The following TEAD1 variants were observed in gnomAD, a reference collection of about 807,000 sequenced individuals.
TEAD1 encodes transcriptional enhancer factor TEF-1.
Under a neutral mutation model 54.9 loss-of-function variants are expected in TEAD1, and 9 were observed. That is an observed-to-expected ratio of 0.16 (90% CI 0.10 to 0.29). The LOEUF is 0.29. TEAD1 is among the 10% of genes least tolerant of loss of function. The probability of loss-of-function intolerance (pLI) is 1.00; values close to 1 mark genes in which losing one functional copy is unlikely to be tolerated. For synonymous variants in TEAD1, 200 were observed against 187.8 expected (o/e 1.07, Z -0.53); for missense variants, 387 against 535.9 (o/e 0.72, Z 2.74).
rs1253732890 is a variant in TEAD1 at position 12,718,578 on chromosome 11, G to T, written c.-55+43017G>T. On this transcript the variant is annotated intron_variant, in intron 2 of 12. Coordinates refer to ENST00000527636, the MANE Select transcript of TEAD1 (RefSeq NM_021961.6). ...TTCCATAAAGACATTTCGATGTACCGTTGCTTTTTTTTTTGGGTGAAATTA... is the reference window on the plus strand; with the variant it reads ...TTCCATAAAGACATTTCGATGTACCTTTGCTTTTTTTTTTGGGTGAAATTA... 7.3e-5 allele frequency among the ~76,000 whole-genome samples: 11 copies of T among 151,404 alleles called. 1 individual carries two copies. Among genetic ancestry groups the T allele is most frequent in the Admixed American group, 7.2e-4 (11 of 15,222 alleles).
chr11:12,706,233 T>C (rs1053870125), intron 2 of TEAD1, among the ~76,000 whole-genome samples: 3 of 152,222 alleles, frequency 2.0e-5, no homozygotes, highest in Non-Finnish European at 4.4e-5. Flanking sequence ...TTGAACTGGT[T>C]GAAGAAACCC....
Position 12,879,582 on chromosome 11 carries a change from T to C in TEAD1, c.331-126T>C. The C allele has an allele frequency of 7.2e-6, 8 of 1,105,646 alleles. 1 individual carries two copies. In the South Asian group the frequency reaches 8.8e-5, roughly 12 times the overall value. The allele number at this position is 1,105,646 out of a possible 1,614,324, so 68.5% of individuals were successfully genotyped here. ...TCTGGCTGTGTTATTTATCCATGCA[T>C]GTTTGCTTTTTTTGGCCTATTTTGT... On this transcript the variant is annotated intron_variant, in intron 5 of 12. Coordinates refer to ENST00000527636, the MANE Select transcript of TEAD1 (RefSeq NM_021961.6).
chr11:12,740,781 A>G (rs111650117), intron 2 of TEAD1, among the ~76,000 whole-genome samples: 1 of 152,064 alleles, frequency 6.6e-6, no homozygotes, highest in African/African-American at 2.4e-5. Flanking sequence ...CATGGGGATC[A>G]TGGGAACTAC....
chr11:12,926,911 C>T (rs546695120), intron 11 of TEAD1, among the ~76,000 whole-genome samples: 1 of 152,116 alleles, frequency 6.6e-6, no homozygotes, highest in African/African-American at 2.4e-5. Flanking sequence ...AGCAAAGTTA[C>T]CTGTGTGTGA....
At chr11:12,792,913 G>A (rs187296344) in intron 3 of TEAD1, among the ~76,000 whole-genome samples, 29 of 152,156 alleles carry the variant, frequency 1.9e-4, no homozygotes, top group Admixed American at 4.6e-4. Flanking sequence ...AAAATTAGCC[G>A]GGAATGATGG....
At chr11:12,873,754 T>C (rs1947800656) in intron 5 of TEAD1, among the ~76,000 whole-genome samples, 1 of 152,196 alleles carries the variant, frequency 6.6e-6, no homozygotes, top group Non-Finnish European at 1.5e-5. Flanking sequence ...AAAACCATAA[T>C]ATAGTTCTGT....
At chr11:12,714,221 C>T (rs1348104463) in intron 2 of TEAD1, among the ~76,000 whole-genome samples, 1 of 152,080 alleles carries the variant, frequency 6.6e-6, no homozygotes. Context: ...TGCTCTTTGG[C>T]TAAGGGGCAG....
chr11:12,909,790 C>T (rs1948585291), intron 10 of TEAD1, among the ~76,000 whole-genome samples: 2 of 152,144 alleles, frequency 1.3e-5, no homozygotes, highest in Admixed American at 1.3e-4. Context: ...CTTTATAGTA[C>T]CATAGCAGTT....
At chr11:12,719,949 GTTTTTTTTTTTTTTTTTTTT>G (rs1200965763) in intron 2 of TEAD1, among the ~76,000 whole-genome samples, 27 of 39,990 alleles carry the variant, frequency 6.8e-4, no homozygotes, top group South Asian at 1.4e-3. Context: ...GAAATCTAAT[GTTTTTTTTTTTTTTTTTTTT>G]TTTTTTTTTT....
chr11:12,772,233 T>G (rs1012958265), intron 3 of TEAD1, among the ~76,000 whole-genome samples: 1 of 152,228 alleles, frequency 6.6e-6, no homozygotes, highest in Non-Finnish European at 1.5e-5. Context: ...TCAGAGAGTT[T>G]GACCATGCAT....
chr11:12,927,752 A>G (rs1231596826), intron 11 of TEAD1, among the ~76,000 whole-genome samples: 1 of 152,018 alleles, frequency 6.6e-6, no homozygotes, highest in African/African-American at 2.4e-5. Flanking sequence ...CTTGTTAAAT[A>G]TATTTCTAAA....
At chr11:12,850,233 C>G (rs1466284847) in intron 3 of TEAD1, among the ~76,000 whole-genome samples, 1 of 152,128 alleles carries the variant, frequency 6.6e-6, no homozygotes, top group African/African-American at 2.4e-5. Flanking sequence ...GTCAGGAGTT[C>G]GAGCCCAGCA....
chr11:12,896,589 G>A (rs1409517239), intron 9 of TEAD1, among the ~76,000 whole-genome samples: 1 of 152,084 alleles, frequency 6.6e-6, no homozygotes, highest in African/African-American at 2.4e-5. Context: ...TTTTCTCCTT[G>A]CTAATGAACA....
chr11:12,840,089 T>TA (rs1164904502), intron 3 of TEAD1, among the ~76,000 whole-genome samples: 2 of 151,186 alleles, frequency 1.3e-5, no homozygotes, highest in Admixed American at 6.6e-5. Flanking sequence ...CTACTAAAAA[T>TA]ACAAAAAATT....
At chr11:12,747,766 C>CT (rs905123411) in intron 2 of TEAD1, among the ~76,000 whole-genome samples, 2 of 152,214 alleles carry the variant, frequency 1.3e-5, no homozygotes, top group African/African-American at 4.8e-5. Flanking sequence ...TCTGTTAATA[C>CT]TTTCATGGAT....
At position 12,796,544 on chromosome 11, in the gene TEAD1, G is replaced by A. The variant is rs1945929101; in HGVS notation, c.202+32110G>A. Among the ~76,000 whole-genome samples, 2 of 150,992 alleles carry A rather than the reference G, an allele frequency of 1.3e-5. 1 individual carries two copies. Among genetic ancestry groups the A allele is most frequent in the South Asian group, 4.2e-4 (2 of 4,750 alleles). ...AGTTTGAGACCAGCCTGGGCAATGT[G>A]GTGAAACCAGTCTCCACAAAAAATA... On this transcript the variant is annotated intron_variant, in intron 3 of 12. Transcript: ENST00000527636.
At chr11:12,870,172 G>A (rs377219732) in intron 5 of TEAD1, among the ~76,000 whole-genome samples, 39 of 152,276 alleles carry the variant, frequency 2.6e-4, no homozygotes, top group East Asian at 2.3e-3. Context: ...GAGCCACTGC[G>A]CCCAGCCGAT....
intron 11 of TEAD1, among the ~76,000 whole-genome samples, chr11:12,927,220 A>T (rs1435223551): frequency 6.6e-6 from 1 of 152,208 alleles, no homozygotes; most frequent in Non-Finnish European, 1.5e-5. Flanking sequence ...TTATCTGTTT[A>T]GAATGTGTGT....
rs182066362 is a variant in TEAD1 at position 12,715,718 on chromosome 11, C to T, written c.-55+40157C>T. ...GGCTTATCAGATTAAAAAAAAGATG[C>T]CCAGTTAAATTTGAATATCAGATAA... On this transcript the variant is annotated intron_variant, in intron 2 of 12. Coordinates refer to ENST00000527636, the MANE Select transcript of TEAD1 (RefSeq NM_021961.6). Among the ~76,000 whole-genome samples, 297 of 152,104 alleles carry T rather than the reference C, an allele frequency of 2.0e-3. 3 individuals carry two copies. The highest frequency in any genetic ancestry group is 0.015 in the Admixed American group (235 of 15,286).
Sources: allele counts gnomAD v4.1 joint callset (sites outside exome capture counted in the v4.1 genomes callset), GRCh38; gene constraint gnomAD v4.1.1; transcripts MANE v1.5; gene names NCBI Gene and HGNC (gene_info 2026-07-23, HGNC 2026-07-21).